The following SLC2A14 variants were observed in gnomAD, a reference collection of about 807,000 sequenced individuals.
The protein encoded by SLC2A14 is solute carrier family 2, facilitated glucose transporter member 14.
Under a neutral mutation model 43.0 loss-of-function variants are expected in SLC2A14, and 13 were observed. The ratio of observed to expected loss-of-function variants is 0.30; its 90% CI spans 0.20 to 0.48. SLC2A14 has a LOEUF of 0.48. Among genes scored for constraint, SLC2A14 ranks in the 20% least tolerant of loss-of-function variants. The probability of loss-of-function intolerance (pLI) is 0.99; values close to 1 mark genes in which losing one functional copy is unlikely to be tolerated. For missense variants in SLC2A14, 428 were observed against 620.4 expected (o/e 0.69, Z 3.29); for synonymous variants, 190 against 233.8 (o/e 0.81, Z 1.71).
chr12:7,872,617 G>A (rs1436329655), intron 1 of SLC2A14, 190 bp downstream of exon 1: 1 of 335,460 alleles, frequency 3.0e-6, no homozygotes, highest in Non-Finnish European at 4.2e-6. Context: ...GACATAGTAG[G>A]TGCTCAGTAA....
chr12:7,844,043 T>C (rs751457055), intron 2 of SLC2A14, among the ~76,000 whole-genome samples: 1 of 152,240 alleles, frequency 6.6e-6, no homozygotes, highest in Non-Finnish European at 1.5e-5. Context: ...GAGTTTACAG[T>C]TGGGTGAATA....
At chr12:7,827,103 T>C (rs935957388) in intron 7 of SLC2A14, among the ~76,000 whole-genome samples, 46 of 115,376 alleles carry the variant, frequency 4.0e-4, no homozygotes, top group African/African-American at 4.9e-4. Context: ...TTCTCTTTCT[T>C]TCTTTCTTTC....
At chr12:7,878,103 T>C (rs1945495041), upstream of SLC2A14, among the ~76,000 whole-genome samples, 1 of 151,948 alleles carries the variant, frequency 6.6e-6, no homozygotes, top group Non-Finnish European at 1.5e-5. Context: ...CAGGCTGGAG[T>C]GCAATGGCGT....
chr12:7,843,321 T>C (rs1258080850), intron 2 of SLC2A14, among the ~76,000 whole-genome samples: 1 of 148,682 alleles, frequency 6.7e-6, no homozygotes, highest in East Asian at 2.0e-4. Flanking sequence ...GGGCACGCTG[T>C]AATGAGTGGG....
At chr12:7,815,200 C>T (rs901278527) in intron 10 of SLC2A14, among the ~76,000 whole-genome samples, 1 of 151,404 alleles carries the variant, frequency 6.6e-6, no homozygotes, top group African/African-American at 2.4e-5. Context: ...CCCTTGAGGC[C>T]AGGAGTTTGA....
intron 1 of SLC2A14, among the ~76,000 whole-genome samples, chr12:7,885,863 T>G (rs1945678617): frequency 1.3e-5 from 2 of 152,122 alleles, no homozygotes. Flanking sequence ...CTTCAAAATT[T>G]CTTCTCATGG....
At chr12:7,846,490 G>T (rs1866476904) in intron 2 of SLC2A14, among the ~76,000 whole-genome samples, 1 of 151,104 alleles carries the variant, frequency 6.6e-6, no homozygotes, top group African/African-American at 2.4e-5. Context: ...TTTCATGTTG[G>T]TTTTTTTCTT....
chr12:7,884,354 C>A lies in SLC2A14; in HGVS notation c.132+6642G>T, dbSNP rs183582745. Among the ~76,000 whole-genome samples, 91 of 152,162 alleles carry A rather than the reference C, an allele frequency of 6.0e-4. 1 individual carries two copies. The highest frequency in any genetic ancestry group is 4.4e-5 in the Non-Finnish European group (3 of 68,004). ...CAACCCCTTTGCAATAACTGAAATA[C>A]TCTGATGTCCTGCAATATTTTAAGT... On this transcript the variant is annotated intron_variant, in intron 1 of 9. Transcript: ENST00000539924.
intron 2 of SLC2A14, among the ~76,000 whole-genome samples, chr12:7,853,981 G>C (rs749810147): frequency 6.6e-6 from 1 of 152,118 alleles, no homozygotes; most frequent in Non-Finnish European, 1.5e-5. Context: ...CTGATAACTA[G>C]AGCTATCCAA....
chr12:7,872,707 C>CG (rs1165185412), intron 1 of SLC2A14, 100 bp downstream of exon 1: 14 of 912,990 alleles, frequency 1.5e-5, no homozygotes, highest in Non-Finnish European at 1.8e-5. Flanking sequence ...GGCCCACCTC[C>CG]GAGTAGCCGC....
At chr12:7,817,751 T>TATAGAGAGATAGATAGATAGATAG in intron 10 of SLC2A14, 80 bp downstream of exon 10, 1 of 1,148,954 alleles carries the variant, frequency 8.7e-7, no homozygotes, top group Non-Finnish European at 1.2e-6. Flanking sequence ...TATATATATA[T>TATAGAGAGATAGATAGATAGATAG]ATAGATAGAT....
At chr12:7,840,465 C>T (rs1485543561) in intron 2 of SLC2A14, among the ~76,000 whole-genome samples, 5 of 151,996 alleles carry the variant, frequency 3.3e-5, no homozygotes, top group South Asian at 4.1e-4. Context: ...CTGCAACCTC[C>T]GCCTCCTGGG....
intron 2 of SLC2A14, among the ~76,000 whole-genome samples, chr12:7,843,443 C>G (rs985657708): frequency 2.9e-5 from 4 of 135,758 alleles, no homozygotes; most frequent in African/African-American, 1.1e-4. Flanking sequence ...CTGGAATAGA[C>G]TCATAAAAGA....
chr12:7,848,919 C>T (rs1474381768), intron 2 of SLC2A14, among the ~76,000 whole-genome samples: 6 of 150,444 alleles, frequency 4.0e-5, no homozygotes, highest in Non-Finnish European at 7.4e-5. Flanking sequence ...TGCAGTGGTG[C>T]GATCTGGGCT....
At position 7,851,632 on chromosome 12, in the gene SLC2A14, A is replaced by AT. The variant is rs768984028; in HGVS notation, c.18+18230dup. On this transcript the variant is annotated intron_variant, in intron 2 of 10. Transcript: ENST00000431042. Reference sequence around the variant, plus strand: ...AGTAAAAAAGCATTAGGAAAAGATTATTTTTGCCACTAGATTCTAAGTGGT... The same window carrying AT: ...AGTAAAAAAGCATTAGGAAAAGATTATTTTTTGCCACTAGATTCTAAGTGGT... 1.0e-3 allele frequency among the ~76,000 whole-genome samples: 153 copies of AT among 152,300 alleles called. 3 individuals carry two copies. The East Asian group carries it at 0.028, about 28-fold the overall frequency.
chr12:7,890,042 T>C (rs967088971), intron 1 of SLC2A14, among the ~76,000 whole-genome samples: 2 of 152,154 alleles, frequency 1.3e-5, no homozygotes, highest in African/African-American at 4.8e-5. Flanking sequence ...CTGGCTCCTT[T>C]ACTGCAACCT....
chr12:7,852,803 G>T (rs1243658236), intron 2 of SLC2A14, among the ~76,000 whole-genome samples: 3 of 152,080 alleles, frequency 2.0e-5, no homozygotes, highest in Non-Finnish European at 4.4e-5. Flanking sequence ...AATCTCCAAT[G>T]AGATCCTGTG....
At chr12:7,832,294 C>T (rs1865107946) in intron 3 of SLC2A14, among the ~76,000 whole-genome samples, 7 of 152,174 alleles carry the variant, frequency 4.6e-5, no homozygotes, top group Admixed American at 4.6e-4. Context: ...CACCCCAGCC[C>T]TCTGCTAAGC....
chr12:7,853,369 G>A lies in SLC2A14; in HGVS notation c.18+16494C>T, dbSNP rs60128832. ...CAGGAGAATCGCTTGAACCCGGGAG[G>A]TGGAGGTTGCAGATCATGCCATTGC... On this transcript the variant is annotated intron_variant, in intron 2 of 10. Transcript: ENST00000431042. 6.3e-3 allele frequency among the ~76,000 whole-genome samples: 944 copies of A among 148,694 alleles called. 6 individuals carry two copies. The highest frequency in any genetic ancestry group is 0.022 in the African/African-American group (882 of 40,430).
Sources: gnomAD v4.1 joint callset for allele counts (sites outside exome capture counted in the v4.1 genomes callset) on GRCh38, gnomAD v4.1.1 for gene constraint, MANE v1.5 for transcripts, NCBI Gene and HGNC (gene_info 2026-07-23, HGNC 2026-07-21) for gene names.